Variants in DNAJC5B observed in about 807,000 individuals in gnomAD.
DNAJC5B encodes dnaJ homolog subfamily C member 5B.
In DNAJC5B, 23 loss-of-function variants were observed where a neutral mutation model predicts 24.7. The observed-to-expected ratio is 0.93, with a 90% CI of 0.67 to 1.32. The LOEUF (loss-of-function observed/expected upper bound fraction) is 1.32. DNAJC5B is among the 40% of genes most tolerant of loss of function. The pLI, the probability that DNAJC5B is intolerant of heterozygous loss-of-function variation, is 0.00. For missense variants in DNAJC5B, 238 were observed against 240.8 expected, an observed-to-expected ratio of 0.99 and a Z score of 0.08; for synonymous variants, 101 against 90.1, an observed-to-expected ratio of 1.12 and a Z score of -0.68.
intron 1 of DNAJC5B, among the ~76,000 whole-genome samples, chr8:66,031,256 C>A (rs1806355314): frequency 6.6e-6 from 1 of 152,178 alleles, no homozygotes; most frequent in Admixed American, 6.5e-5. Context: ...AATTGATACA[C>A]ACATATGTTA....
At chr8:66,094,190 C>G (rs1189088852) in intron 5 of DNAJC5B, among the ~76,000 whole-genome samples, 1 of 151,978 alleles carries the variant, frequency 6.6e-6, no homozygotes, top group African/African-American at 2.4e-5. Flanking sequence ...AGGTTTTTGT[C>G]AAGTTATTTA....
At chr8:66,022,667 T>G (rs17398234) in intron 1 of DNAJC5B, among the ~76,000 whole-genome samples, 3,814 of 152,236 alleles carry the variant, frequency 0.025, 59 homozygotes, top group Middle Eastern at 0.044. Context: ...ACATCACGAA[T>G]AAATATATCA....
chr8:66,037,360 G>C (rs755014224), intron 1 of DNAJC5B, among the ~76,000 whole-genome samples: 6 of 152,172 alleles, frequency 3.9e-5, no homozygotes, highest in Non-Finnish European at 4.4e-5. Flanking sequence ...GGCATGAGAG[G>C]CTTCGTGGGT....
chr8:66,024,629 A>G (rs1806217452), intron 1 of DNAJC5B, among the ~76,000 whole-genome samples: 1 of 83,352 alleles, frequency 1.2e-5, no homozygotes, highest in Non-Finnish European at 2.2e-5. Flanking sequence ...TCCTGTGTCC[A>G]TGTGATCTCA....
chr8:66,085,577 A>AAAAT (rs1554590846), intron 5 of DNAJC5B, among the ~76,000 whole-genome samples: 20 of 150,670 alleles, frequency 1.3e-4, no homozygotes, highest in African/African-American at 4.9e-4. Flanking sequence ...CATCTCAAAA[A>AAAAT]ATATATATAT....
chr8:66,068,666 A>T (rs1282228521), intron 3 of DNAJC5B, among the ~76,000 whole-genome samples: 4 of 152,128 alleles, frequency 2.6e-5, no homozygotes, highest in Non-Finnish European at 4.4e-5. Flanking sequence ...AAAGAGAATG[A>T]GGAAAAGCCA....
chr8:66,061,455 G>A (rs1807078542), intron 3 of DNAJC5B, among the ~76,000 whole-genome samples: 1 of 152,090 alleles, frequency 6.6e-6, no homozygotes, highest in Non-Finnish European at 1.5e-5. Flanking sequence ...TGGCACATGG[G>A]TACTGGGTGC....
chr8:66,094,461 C>A (rs1311763795), intron 5 of DNAJC5B, among the ~76,000 whole-genome samples: 1 of 151,958 alleles, frequency 6.6e-6, no homozygotes, highest in African/African-American at 2.4e-5. Context: ...TAGAAATGTA[C>A]TTTTAAAAAC....
intron 3 of DNAJC5B, chr8:66,057,667 A>C (rs1275297838): frequency 6.6e-6 from 1 of 152,232 alleles, no homozygotes; most frequent in African/African-American, 2.4e-5. Flanking sequence ...AAAGAAAAAA[A>C]TTTGAAAGCA....
intron 1 of DNAJC5B, among the ~76,000 whole-genome samples, chr8:66,026,323 G>A (rs923292637): frequency 6.6e-6 from 1 of 152,068 alleles, no homozygotes; most frequent in Non-Finnish European, 1.5e-5. Context: ...GAGATTTTGG[G>A]CTGAGACGAT....
At chr8:66,089,289 A>G (rs1048138379) in intron 5 of DNAJC5B, among the ~76,000 whole-genome samples, 4 of 152,222 alleles carry the variant, frequency 2.6e-5, no homozygotes, top group African/African-American at 9.6e-5. Flanking sequence ...AACCGTCTCT[A>G]TGATCCAATC....
intron 1 of DNAJC5B, among the ~76,000 whole-genome samples, chr8:66,032,508 G>A (rs547342814): frequency 3.9e-5 from 6 of 152,084 alleles, no homozygotes; most frequent in Non-Finnish European, 8.8e-5. Flanking sequence ...TGCTTGGGAG[G>A]GAGGCAGTGA....
Position 66,100,483 on chromosome 8 carries a change from G to A in DNAJC5B, c.*452G>A, listed in dbSNP as rs1040271620. The A allele has an allele frequency of 6.6e-6, 1 of 152,260 alleles. No homozygotes were observed. Among genetic ancestry groups the A allele is most frequent in the Non-Finnish European group, 1.5e-5 (1 of 68,158 alleles). The allele number at this position is 152,260 out of a possible 1,614,324, so 9.4% of individuals were successfully genotyped here. A position where few individuals can be genotyped will look rare whatever the true frequency, so the allele number is the denominator to read the frequency against. On this transcript the variant is annotated 3_prime_UTR_variant, in exon 6 of 6. Transcript: ENST00000276570. ...TTTTTGTGTGTGGAGCCTCTTCCGT[G>A]TCAATATTCAATAAAGTTATAGAAA...
rs769415418 is a variant in DNAJC5B, at chr8:66,051,680, T to C, written c.119+14T>C. 2.7e-5 allele frequency: 42 copies of C among 1,578,748 alleles called. No individual in the cohort carries two copies. The South Asian group carries it at 4.6e-4, about 17-fold the overall frequency. On this transcript the variant is annotated intron_variant, in intron 3 of 5. Transcript: ENST00000276570. ...GAAAACCTACAGGTACGGATTTCAA[T>C]GGTGACATTTCTTCTGCTACTAGTG... is the stretch of plus-strand genomic sequence containing the variant.
At position 66,100,049 on chromosome 8, in the gene DNAJC5B, G is replaced by T. The variant is rs760534459; in HGVS notation, c.*18G>T. ...ACTCTTGATATTGAGCCCTCAGAGAGTCCACAGTCCCTCCTCTCAGTTCAG... is the reference window on the plus strand; with the variant it reads ...ACTCTTGATATTGAGCCCTCAGAGATTCCACAGTCCCTCCTCTCAGTTCAG... On this transcript the variant is annotated 3_prime_UTR_variant, in exon 6 of 6. Transcript: ENST00000276570. 13 of 1,607,962 alleles carry T rather than the reference G, an allele frequency of 8.1e-6. No homozygotes were observed. In the Admixed American group the frequency reaches 2.2e-4, roughly 27 times the overall value.
At chr8:66,066,868 A>T (rs1245491162) in intron 3 of DNAJC5B, among the ~76,000 whole-genome samples, 1 of 152,240 alleles carries the variant, frequency 6.6e-6, no homozygotes, top group Non-Finnish European at 1.5e-5. Flanking sequence ...TTGAAGTTTT[A>T]AAAATATTTA....
rs151078936 is a variant in DNAJC5B at position 66,098,543 on chromosome 8, C to T, written c.506-1394C>T. Among the ~76,000 whole-genome samples, 401 of 152,182 alleles carry T rather than the reference C, an allele frequency of 2.6e-3. 3 individuals carry two copies. Among genetic ancestry groups the T allele is most frequent in the African/African-American group, 9.3e-3 (385 of 41,550 alleles). On this transcript the variant is annotated intron_variant, in intron 5 of 5. Coordinates refer to ENST00000276570, the MANE Select transcript of DNAJC5B (RefSeq NM_033105.6). ...CTTGGATCTATGGATTGGTGTATTT[C>T]ATCAATTCTAGAATAGGCTCAGCCA...
upstream of DNAJC5B, among the ~76,000 whole-genome samples, chr8:66,021,190 C>T (rs946979499): frequency 2.6e-5 from 4 of 151,984 alleles, no homozygotes; most frequent in East Asian, 1.9e-4. Context: ...TGGGTGGATT[C>T]GGGTAAAAAT....
intron 3 of DNAJC5B, among the ~76,000 whole-genome samples, chr8:66,062,800 C>G (rs1807112746): frequency 6.6e-6 from 1 of 152,112 alleles, no homozygotes; most frequent in Non-Finnish European, 1.5e-5. Context: ...GCACACCAGC[C>G]TGGGTGACAG....
Sources: gnomAD v4.1 joint callset for allele counts (sites outside exome capture counted in the v4.1 genomes callset) on GRCh38, gnomAD v4.1.1 for gene constraint, MANE v1.5 for transcripts, NCBI Gene and HGNC (gene_info 2026-07-23, HGNC 2026-07-21) for gene names.